MUC5AC: variants seen among roughly 807,000 people sequenced by gnomAD.
MUC5AC encodes mucin 5AC, oligomeric mucus/gel-forming.
In MUC5AC, 158 loss-of-function variants were observed where a neutral mutation model predicts 169.7. The ratio of observed to expected loss-of-function variants is 0.93; its 90% CI spans 0.82 to 1.06. The LOEUF (loss-of-function observed/expected upper bound fraction) is 1.06, where lower values mean the gene tolerates loss of function less well. Among genes scored for constraint, MUC5AC ranks in the 50% least tolerant of loss-of-function variants. The pLI, the probability that MUC5AC is intolerant of heterozygous loss-of-function variation, is 0.00. For missense variants in MUC5AC, 4,359 were observed against 3,089.9 expected (o/e 1.41, Z -9.74); for synonymous variants, 1,975 against 1,237.0 (o/e 1.60, Z -12.52).
At chr11:1,162,471 G>A in intron 4 of MUC5AC, 61 bp from the exon 5 acceptor site, 1 of 1,452,868 alleles carries the variant, frequency 6.9e-7, no homozygotes, top group Non-Finnish European at 9.6e-7. Flanking sequence ...GCAGGCATCT[G>A]CCCTGCCTGG....
chr11:1,183,220 C>T lies in MUC5AC; in HGVS notation c.5075C>T (p.Pro1692Leu), dbSNP rs1267601929. 1.3e-5 allele frequency: 5 copies of T among 379,554 alleles called. No individual in the cohort carries two copies. Among genetic ancestry groups the T allele is most frequent in the East Asian group, 3.6e-5 (1 of 27,616 alleles). 23.5% of individuals were successfully genotyped at this position (379,554 alleles called of 1,614,324 possible). ...RLPKTVATTR[P>L]TPHPTGAQTQ... ...CCAAAGACCGTCGCAACGACACGGC[C>T]GACTCCACATCCAACCGGAGCTCAG... The change falls in exon 31 of 49, where the codon CCG becomes CTG. Residue 1692 changes from proline (P) to leucine (L), a missense_variant. Pro to Leu is a moderately conservative substitution (Grantham distance 98, BLOSUM62 -3). Transcript: ENST00000621226.
In MUC5AC at chr11:1,158,072, G is replaced by GGTAC. The variant is rs1461254725; in HGVS notation, c.73+2_73+5dup. ...CGCTCTGGCCTGCACCCGGCATACA[G>GGTAC]GTACGGCTTGGCCCCTGGCCGCTCT... On this transcript the variant is annotated frameshift_variant and splice_region_variant. Transcript: ENST00000621226. LOFTEE classifies it high-confidence loss of function. 1 of 1,603,232 alleles carries GGTAC rather than the reference G, an allele frequency of 6.2e-7. No homozygotes were observed. Among genetic ancestry groups the GGTAC allele is most frequent in the South Asian group, 1.1e-5 (1 of 89,338 alleles).
At position 1,168,703 on chromosome 11, in the gene MUC5AC, G is replaced by T; in HGVS notation, c.1629G>T (p.Leu543=). The T allele has an allele frequency of 6.2e-7, 1 of 1,610,754 alleles. No homozygotes were observed. The highest frequency in any genetic ancestry group is 8.5e-7 in the Non-Finnish European group (1 of 1,178,214). Reference sequence around the variant, plus strand: ...TCATCGCCCAGACCAGCCTGGGCCTGCAGCTGAACCTGCAGCTGGTGCCCA... The same window carrying T: ...TCATCGCCCAGACCAGCCTGGGCCTTCAGCTGAACCTGCAGCTGGTGCCCA... ...FFIIAQTSLG[L]QLNLQLVPTM... Residue 543 remains leucine, a synonymous_variant, in exon 14 of 49, where the codon CTG becomes CTT. Coordinates refer to ENST00000621226, the MANE Select transcript of MUC5AC (RefSeq NM_001304359.2).
In MUC5AC at chr11:1,189,398, C is replaced by A. The variant is rs1861028603; in HGVS notation, c.11253C>A (p.Ser3751Arg). The change falls in exon 31 of 49, where the codon AGC becomes AGA. Residue 3751 changes from serine (S) to arginine (R), a missense_variant. By Grantham distance (110) the Ser-to-Arg change is moderately radical. Transcript: ENST00000621226. ...GCACAATCTCTGCCCCTACAACCAG[C>A]ACAACCTCTGCTCCCACAGCCAGCA... ...TTSTISAPTT[S>R]TTSAPTASTT... 3 of 577,600 alleles carry A rather than the reference C, an allele frequency of 5.2e-6. No homozygotes were observed. The highest frequency in any genetic ancestry group is 9.2e-6 in the Non-Finnish European group (3 of 325,962). The allele number at this position is 577,600 out of a possible 1,614,324, so 35.8% of individuals were successfully genotyped here.
intron 12 of MUC5AC, 98 bp from the exon 13 acceptor site, chr11:1,168,385 A>G (rs2133726535): frequency 1.7e-6 from 2 of 1,197,776 alleles, no homozygotes; most frequent in East Asian, 5.1e-5. Flanking sequence ...CTGCAGGGAA[A>G]GGCCTCCTAG....
Position 1,161,018 on chromosome 11 carries a change from T to A in MUC5AC, c.151+329T>A, listed in dbSNP as rs577897273. 3.3e-4 allele frequency among the ~76,000 whole-genome samples: 51 copies of A among 152,310 alleles called. No homozygotes were observed. The South Asian group carries it at 9.5e-3, about 28-fold the overall frequency. ...CTTGGTGTCCCCCCCGTTCACCTCC[T>A]GACGCTTCAGCAACACGGGCATCTC... On this transcript the variant is annotated intron_variant, in intron 2 of 48. Transcript: ENST00000621226.
rs772746220 is a variant in MUC5AC at position 1,162,696 on chromosome 11, C to T, written c.588+50C>T. ...GTGTGCAACTCCAGCCCTCGAGGGC[C>T]GGCCTGCTCCCACAGCCTCTCCGGA... On this transcript the variant is annotated intron_variant, in intron 5 of 48. Transcript: ENST00000621226. 1.6e-5 allele frequency: 25 copies of T among 1,534,934 alleles called. No homozygotes were observed. The East Asian group carries it at 2.0e-4, about 12-fold the overall frequency.
At position 1,190,870 on chromosome 11, in the gene MUC5AC, C is replaced by T. The variant is rs1257293401; in HGVS notation, c.12725C>T (p.Thr4242Ile). The stretch of plus-strand genomic sequence containing the variant: ...ACCTCTGCCTCTACAACCAGCACAA[C>T]TTCTGCTCCTACAACCAGCACAACC... The part of the protein sequence containing the change: ...STTSASTTST[T>I]SAPTTSTTSG... Residue 4242 changes from threonine to isoleucine, a missense_variant, in exon 31 of 49, where the codon ACT (threonine) becomes ATT (isoleucine). Transcript: ENST00000621226. 1 of 741,826 alleles carries T rather than the reference C, an allele frequency of 1.3e-6. No homozygotes were observed. The highest frequency in any genetic ancestry group is 2.5e-6 in the Non-Finnish European group (1 of 406,460). The allele number at this position is 741,826 out of a possible 1,614,324, so 46.0% of individuals were successfully genotyped here.
At chr11:1,166,824 AACAC>A (rs1424723743) in intron 11 of MUC5AC, among the ~76,000 whole-genome samples, 1 of 101,286 alleles carries the variant, frequency 9.9e-6, no homozygotes, top group East Asian at 3.3e-4. Flanking sequence ...CCCTGCACCC[AACAC>A]ACAGTTTCTC....
In MUC5AC at chr11:1,186,216, A is replaced by G. The variant is rs1392723922; in HGVS notation, c.8071A>G (p.Ser2691Gly). The G allele has an allele frequency of 1.3e-6, 1 of 754,276 alleles. No individual in the cohort carries two copies. The highest frequency in any genetic ancestry group is 2.4e-6 in the Non-Finnish European group (1 of 412,584). The allele number at this position is 754,276 out of a possible 1,614,324, so 46.7% of individuals were successfully genotyped here. ...CAGCACAACCTCTGCTTCTACAACC[A>G]GCACAACCTCTGGTCCTGGAACTAC... ...TTSTTSASTT[S>G]TTSGPGTTPS... is the part of the protein sequence containing the mutation. Residue 2691 changes from serine to glycine, a missense_variant, in exon 31 of 49, where the codon AGC (serine) becomes GGC (glycine). Physicochemically the swap from Ser to Gly is moderately conservative, Grantham distance 56. Transcript: ENST00000621226.
chr11:1,162,444 G>A (rs535715313), intron 4 of MUC5AC, 88 bp from the exon 5 acceptor site: 32 of 1,228,712 alleles, frequency 2.6e-5, no homozygotes, highest in Middle Eastern at 2.1e-4. Flanking sequence ...CACGATGACC[G>A]TGTCACATTT....
Position 1,195,872 on chromosome 11 carries a change from A to AAC in MUC5AC, c.15459-4_15459-3insAC. On this transcript the variant is annotated splice_region_variant and splice_polypyrimidine_tract_variant and intron_variant, in intron 36 of 48. Transcript: ENST00000621226. Reference sequence around the variant, plus strand: ...ACCCAGCACCCTGCCCATCCCTCCCACAGGGTCTTTGAGCCGTGCCACACT... The same window carrying AAC: ...ACCCAGCACCCTGCCCATCCCTCCCAACCAGGGTCTTTGAGCCGTGCCACACT... 1 of 685,774 alleles carries AAC rather than the reference A, an allele frequency of 1.5e-6. No individual in the cohort carries two copies. 42.5% of individuals were successfully genotyped at this position (685,774 alleles called of 1,614,324 possible).
chr11:1,193,880 A>T (rs936328380), intron 33 of MUC5AC, among the ~76,000 whole-genome samples: 12 of 152,224 alleles, frequency 7.9e-5, no homozygotes, highest in Non-Finnish European at 1.5e-4. Context: ...GCCTGGCTGG[A>T]GAAGGTGGAG....
intron 1 of MUC5AC, among the ~76,000 whole-genome samples, chr11:1,158,325 C>A (rs2133708477): frequency 6.6e-6 from 1 of 152,326 alleles, no homozygotes; most frequent in Non-Finnish European, 1.5e-5. Context: ...GAGCTCAGAT[C>A]TCGGGCTTTC....
chr11:1,166,441 A>G (rs576095964), intron 11 of MUC5AC, among the ~76,000 whole-genome samples: 59 of 129,930 alleles, frequency 4.5e-4, no homozygotes, highest in African/African-American at 6.1e-4. Flanking sequence ...GCCTGCACCC[A>G]ACACACAGTC....
In MUC5AC at chr11:1,199,440, C is replaced by A; in HGVS notation, c.16465C>A (p.Leu5489Ile). The A allele has an allele frequency of 2.7e-6, 2 of 730,932 alleles. No individual in the cohort carries two copies. The highest frequency in any genetic ancestry group is 1.8e-5 in the Admixed American group (1 of 54,554). 45.3% of individuals were successfully genotyped at this position (730,932 alleles called of 1,614,324 possible). Residue 5489 changes from leucine to isoleucine, a missense_variant, in exon 46 of 49, where the codon CTC becomes ATC. Physicochemically the swap from Leu to Ile is conservative, Grantham distance 5. Coordinates refer to ENST00000621226, the MANE Select transcript of MUC5AC (RefSeq NM_001304359.2). ...THQCEKHQDG[L>I]VVVTTKKACP... Reference sequence around the variant, plus strand: ...CCAGTGTGAGAAGCACCAGGATGGGCTCGTGGTGGTCACCACGAAGAAGGC... The same window carrying A: ...CCAGTGTGAGAAGCACCAGGATGGGATCGTGGTGGTCACCACGAAGAAGGC...
rs1247934196 is a variant in MUC5AC, at chr11:1,161,572, T to A, written c.197T>A (p.Ile66Asn). The change falls in exon 3 of 49, where the codon ATC becomes AAC. Residue 66 changes from isoleucine (I) to asparagine (N), a missense_variant. Physicochemically the swap from Ile to Asn is moderately radical, Grantham distance 149. Coordinates refer to ENST00000621226, the MANE Select transcript of MUC5AC (RefSeq NM_001304359.2). ...GATVFPSLRT[I>N]PVVRASNPAH... Reference sequence around the variant, plus strand: ...ACTGTCTTCCCATCTCTGAGGACCATCCCTGTGGTACGAGGTGAGTGGAGC... The same window carrying A: ...ACTGTCTTCCCATCTCTGAGGACCAACCCTGTGGTACGAGGTGAGTGGAGC... The A allele has an allele frequency of 2.5e-6, 4 of 1,610,290 alleles. No individual in the cohort carries two copies. The South Asian group carries it at 4.4e-5, about 18-fold the overall frequency.
chr11:1,162,848 G>A (rs1202384759), intron 5 of MUC5AC, 107 bp from the exon 6 acceptor site: 11 of 1,168,728 alleles, frequency 9.4e-6, no homozygotes, highest in African/African-American at 3.0e-5. Context: ...GCTTTCGGGG[G>A]TGTCTCTTCC....
chr11:1,186,700 C>A lies in MUC5AC; in HGVS notation c.8555C>A (p.Thr2852Lys), dbSNP rs1374261237. The change falls in exon 31 of 49, where the codon ACA becomes AAA. Residue 2852 changes from threonine to lysine, a missense_variant. Coordinates refer to ENST00000621226, the MANE Select transcript of MUC5AC (RefSeq NM_001304359.2). ...TSTTSAPTTSTTSAPTTRTTS... is the reference protein window; with the variant it reads ...TSTTSAPTTSKTSAPTTRTTS... ...ACAACCTCTGCCCCTACAACCAGCA[C>A]AACCTCTGCCCCTACAACCAGAACA... 9 of 734,596 alleles carry A rather than the reference C, an allele frequency of 1.2e-5. No homozygotes were observed. The highest frequency in any genetic ancestry group is 8.6e-5 in the African/African-American group (5 of 57,852). 45.5% of individuals were successfully genotyped at this position (734,596 alleles called of 1,614,324 possible). A position where few individuals can be genotyped will look rare whatever the true frequency, so the allele number is the denominator to read the frequency against.
Sources: allele counts gnomAD v4.1 joint callset (sites outside exome capture counted in the v4.1 genomes callset), GRCh38; gene constraint gnomAD v4.1.1; transcripts MANE v1.5; gene names NCBI Gene and HGNC (gene_info 2026-07-23, HGNC 2026-07-21).